Variants in DCUN1D2 observed in about 807,000 individuals in gnomAD.
DCUN1D2 encodes DCN1-like protein 2.
In DCUN1D2, 29 loss-of-function variants were observed where a neutral mutation model predicts 30.9. The observed-to-expected ratio is 0.94, with a 90% CI of 0.70 to 1.28. The LOEUF (loss-of-function observed/expected upper bound fraction) is 1.28. DCUN1D2 is among the 50% of genes most tolerant of loss of function. The pLI, the probability that DCUN1D2 is intolerant of heterozygous loss-of-function variation, is 0.00. For synonymous variants in DCUN1D2, 121 were observed against 115.3 expected (o/e 1.05, Z -0.32); for missense variants, 325 against 316.9 (o/e 1.03, Z -0.19).
intron 4 of DCUN1D2, among the ~76,000 whole-genome samples, chr13:113,469,199 G>A (rs2044462315): frequency 6.6e-6 from 1 of 151,484 alleles, no homozygotes; most frequent in Non-Finnish European, 1.5e-5. Context: ...CCATGAAGTC[G>A]AAAAGCTGCC....
At position 113,490,570 on chromosome 13, in the gene DCUN1D2, G is replaced by T; in HGVS notation, c.3+97C>A. Reference sequence around the variant, plus strand: ...GCGGAACGCCCCGCGCAGCTCGCTGGGCTCGGCCTCCCACATCCAGCGCGC... The same window carrying T: ...GCGGAACGCCCCGCGCAGCTCGCTGTGCTCGGCCTCCCACATCCAGCGCGC... On this transcript the variant is annotated intron_variant, in intron 1 of 6. Coordinates refer to ENST00000478244, the MANE Select transcript of DCUN1D2 (RefSeq NM_001014283.2). This position sits in a 1 kb window ranked among gnomAD's most constrained non-coding sequence, Gnocchi z 5.2. 1.8e-6 allele frequency: 2 copies of T among 1,128,376 alleles called. No individual in the cohort carries two copies. The highest frequency in any genetic ancestry group is 2.2e-6 in the Non-Finnish European group (2 of 897,124). 69.9% of individuals were successfully genotyped at this position (1,128,376 alleles called of 1,614,324 possible).
intron 3 of DCUN1D2, among the ~76,000 whole-genome samples, chr13:113,480,097 T>C (rs1412086363): frequency 6.6e-6 from 1 of 152,278 alleles, no homozygotes; most frequent in African/African-American, 2.4e-5. Flanking sequence ...CATTTACTTT[T>C]ATAACTTATC....
At chr13:113,466,547 A>G (rs377025602) in intron 4 of DCUN1D2, among the ~76,000 whole-genome samples, 41 of 152,334 alleles carry the variant, frequency 2.7e-4, no homozygotes, top group African/African-American at 9.9e-4. Context: ...CAGTGCCTTT[A>G]GAATAAACAT....
chr13:113,482,771 C>T (rs1423051437), intron 2 of DCUN1D2, among the ~76,000 whole-genome samples: 1 of 152,078 alleles, frequency 6.6e-6, no homozygotes, highest in Admixed American at 6.5e-5. Flanking sequence ...GGTGAAACCC[C>T]GTCTCTACTA....
intron 3 of DCUN1D2, chr13:113,475,335 C>A (rs898449589): frequency 6.6e-6 from 1 of 152,228 alleles, no homozygotes; most frequent in Non-Finnish European, 1.5e-5. Flanking sequence ...TGTTTAGACA[C>A]AGACTTACCA....
In DCUN1D2 at chr13:113,464,278, T is replaced by C. The variant is rs183885274; in HGVS notation, c.521-3142A>G. Among the ~76,000 whole-genome samples the C allele has an allele frequency of 2.0e-5, 3 of 152,328 alleles. No homozygotes were observed. In the East Asian group the frequency reaches 5.8e-4, roughly 29 times the overall value. ...ATCTACAGGAGTAAACAAGTCCTTG[T>C]TGTCAGTGAGGAATTCAAGGATAAA... is the stretch of plus-strand genomic sequence containing the variant. On this transcript the variant is annotated intron_variant, in intron 4 of 6. Coordinates refer to ENST00000478244, the MANE Select transcript of DCUN1D2 (RefSeq NM_001014283.2).
intron 2 of DCUN1D2, among the ~76,000 whole-genome samples, chr13:113,481,586 C>T (rs948310324): frequency 6.6e-6 from 1 of 152,276 alleles, no homozygotes; most frequent in Admixed American, 6.5e-5. Context: ...TATATAGTTA[C>T]CAAAGAAAAA....
Position 113,458,071 on chromosome 13 carries a change from A to C in DCUN1D2, c.738T>G (p.Tyr246Ter). 2.5e-6 allele frequency: 4 copies of C among 1,614,206 alleles called. No homozygotes were observed. The highest frequency in any genetic ancestry group is 2.5e-6 in the Non-Finnish European group (3 of 1,180,042). The change falls in exon 7 of 7, where the codon TAT becomes TAG. Residue 246 changes from tyrosine to a stop codon, truncating the protein, a stop_gained. Coordinates refer to ENST00000478244, the MANE Select transcript of DCUN1D2 (RefSeq NM_001014283.2). LOFTEE classifies it low-confidence loss of function (END_TRUNC). ...TTCCACCTGTGACTACTGGCCGTGC[A>C]TATTCTACAAAATCATCTATAAGAA... Reference protein sequence around the residue: ...WPVLIDDFVEYARPVVTGGKR... With the variant: ...WPVLIDDFVE
rs1302427642 is a variant in DCUN1D2 at position 113,455,945 on chromosome 13, A to G, written c.*2084T>C. 5 of 343,944 alleles carry G rather than the reference A, an allele frequency of 1.5e-5. No individual in the cohort carries two copies. The highest frequency in any genetic ancestry group is 2.6e-5 in the Non-Finnish European group (5 of 193,162). The allele number at this position is 343,944 out of a possible 1,614,324, so 21.3% of individuals were successfully genotyped here. ...CCTTTGTCCAATGATTAATATTTTG[A>G]TATCTATTGACAATCCCTTAGAACT... On this transcript the variant is annotated 3_prime_UTR_variant, in exon 7 of 7. Transcript: ENST00000478244.
chr13:113,462,335 T>C (rs566467994), intron 4 of DCUN1D2, among the ~76,000 whole-genome samples: 60 of 151,946 alleles, frequency 3.9e-4, no homozygotes, highest in Middle Eastern at 3.4e-3. Flanking sequence ...TGTTGAATAG[T>C]GTTCACCACT....
intron 1 of DCUN1D2, chr13:113,489,092 G>A (rs1006640168): frequency 1.1e-5 from 11 of 984,956 alleles, no homozygotes; most frequent in African/African-American, 1.7e-5. Context: ...CAACTTACCC[G>A]GGGCTGGCGG....
chr13:113,490,613 G>C lies in DCUN1D2; in HGVS notation c.3+54C>G, dbSNP rs116904353. On this transcript the variant is annotated intron_variant, in intron 1 of 6. Coordinates refer to ENST00000478244, the MANE Select transcript of DCUN1D2 (RefSeq NM_001014283.2). The surrounding 1 kb of genome is among the most constrained non-coding windows in gnomAD (Gnocchi z 5.2). Reference sequence around the variant, plus strand: ...CAGCGCGCCGCCTGCGCCGACCTTGGGGCCCGACCCCGACCCCGACCCCGA... The same window carrying C: ...CAGCGCGCCGCCTGCGCCGACCTTGCGGCCCGACCCCGACCCCGACCCCGA... The C allele has an allele frequency of 0.024, 28,828 of 1,219,184 alleles. 502 individuals are homozygous for C. The highest frequency in any genetic ancestry group is 0.085 in the East Asian group (2,437 of 28,562). 75.5% of individuals were successfully genotyped at this position (1,219,184 alleles called of 1,614,324 possible). A position where few individuals can be genotyped will look rare whatever the true frequency, so the allele number is the denominator to read the frequency against.
chr13:113,475,937 C>G (rs1049229410), intron 3 of DCUN1D2: 1 of 152,292 alleles, frequency 6.6e-6, no homozygotes, highest in Non-Finnish European at 1.5e-5. Flanking sequence ...CTACTGGAGC[C>G]GTCCTTCACC....
chr13:113,488,966 TA>T lies in DCUN1D2; in HGVS notation c.3+1700del. 4.2e-6 allele frequency: 1 copy of T among 238,330 alleles called. No homozygotes were observed. The highest frequency in any genetic ancestry group is 6.8e-6 in the Non-Finnish European group (1 of 146,706). The allele number at this position is 238,330 out of a possible 1,614,324, so 14.8% of individuals were successfully genotyped here. A position where few individuals can be genotyped will look rare whatever the true frequency, so the allele number is the denominator to read the frequency against. On this transcript the variant is annotated intron_variant, in intron 1 of 6. Transcript: ENST00000478244. The surrounding 1 kb of genome is among the most constrained non-coding windows in gnomAD (Gnocchi z 4.3). Reference sequence around the variant, plus strand: ...AACAGCAAATAAAATCTCTAAACTATAAAAAAGTCTCAAACACTTTAATTGT... The same window carrying T: ...AACAGCAAATAAAATCTCTAAACTATAAAAAGTCTCAAACACTTTAATTGT...
rs201337598 is a variant in DCUN1D2, at chr13:113,477,719, T to TA, written c.389+2855dup. Among the ~76,000 whole-genome samples the TA allele has an allele frequency of 1.4e-4, 21 of 151,234 alleles. No homozygotes were observed. The East Asian group carries it at 2.9e-3, about 21-fold the overall frequency. ...TTCTATGAGTTTTTTTTTTTTTTTT[T>TA]AAATGAAGAAACATTGAATTTGATC... On this transcript the variant is annotated intron_variant, in intron 3 of 6. Transcript: ENST00000478244.
At chr13:113,469,143 T>TGCAC (rs1398467213) in intron 4 of DCUN1D2, among the ~76,000 whole-genome samples, 2 of 97,654 alleles carry the variant, frequency 2.0e-5, no homozygotes, top group Admixed American at 2.3e-4. Flanking sequence ...ACTACACGCC[T>TGCAC]GCACACACAC....
At chr13:113,491,114 C>T (rs2044995078), upstream of DCUN1D2, 1 of 153,104 alleles carries the variant, frequency 6.5e-6, no homozygotes, top group Non-Finnish European at 1.5e-5. Flanking sequence ...CTCCCTGGTC[C>T]CGCCTGGGAA....
intron 2 of DCUN1D2, 107 bp downstream of exon 2, chr13:113,483,733 C>T (rs2044749994): frequency 9.1e-7 from 1 of 1,104,648 alleles, no homozygotes. Flanking sequence ...GGAGGAGAAG[C>T]AACGGCAGCC....
intron 4 of DCUN1D2, among the ~76,000 whole-genome samples, chr13:113,469,144 G>GCACACA (rs151101835): frequency 0.018 from 2,629 of 148,112 alleles, 41 homozygotes; most frequent in East Asian, 0.072. Flanking sequence ...CTACACGCCT[G>GCACACA]CACACACACA....
Sources: gnomAD v4.1 joint callset for allele counts (sites outside exome capture counted in the v4.1 genomes callset) on GRCh38, gnomAD v4.1.1 for gene constraint, Gnocchi (gnomAD v3.1) non-coding constraint, MANE v1.5 for transcripts, NCBI Gene and HGNC (gene_info 2026-07-23, HGNC 2026-07-21) for gene names.